TNS1: variants seen among roughly 807,000 people sequenced by gnomAD.
TNS1 encodes tensin-1.
A neutral mutation model predicts 168.6 loss-of-function variants in TNS1; 62 were observed. That is an observed-to-expected ratio of 0.37 (90% CI 0.30 to 0.45). The LOEUF (loss-of-function observed/expected upper bound fraction) is 0.45, where lower values mean the gene tolerates loss of function less well. TNS1 is among the 20% of genes least tolerant of loss of function. The pLI, the probability that TNS1 is intolerant of heterozygous loss-of-function variation, is 1.00. For missense variants in TNS1, 2,240 were observed against 2,339.4 expected (o/e 0.96, Z 0.88); for synonymous variants, 934 against 933.2 (o/e 1.00, Z -0.02).
At chr2:217,969,171 C>T (rs1012278307) in intron 3 of TNS1, among the ~76,000 whole-genome samples, 3 of 152,198 alleles carry the variant, frequency 2.0e-5, no homozygotes, top group Non-Finnish European at 4.4e-5. Context: ...AGAGAATTCA[C>T]ACTTCCCAAT....
intron 3 of TNS1, among the ~76,000 whole-genome samples, chr2:217,932,317 T>C (rs78232484): frequency 0.059 from 9,042 of 152,252 alleles, 600 homozygotes; most frequent in African/African-American, 0.14. Flanking sequence ...AGACCAGCTA[T>C]TGATACCTTA....
At chr2:217,924,707 T>C (rs10191332) in intron 3 of TNS1, among the ~76,000 whole-genome samples, 53,948 of 152,114 alleles carry the variant, frequency 0.35, 12,421 homozygotes, top group African/African-American at 0.66. Flanking sequence ...TCAGCAATAT[T>C]GCTCCCATTT....
intron 18 of TNS1, among the ~76,000 whole-genome samples, chr2:217,875,050 T>A (rs1442565179): frequency 6.6e-6 from 1 of 152,176 alleles, no homozygotes; most frequent in African/African-American, 2.4e-5. Flanking sequence ...TTTTGGCCAA[T>A]TAAACATGAG....
intron 3 of TNS1, among the ~76,000 whole-genome samples, chr2:217,921,543 G>C (rs1023666790): frequency 6.6e-6 from 1 of 152,218 alleles, no homozygotes; most frequent in Non-Finnish European, 1.5e-5. Flanking sequence ...GTCAGCACCT[G>C]TGGGACAGTG....
intron 3 of TNS1, among the ~76,000 whole-genome samples, chr2:217,922,960 G>A (rs1955809673): frequency 6.6e-6 from 1 of 152,224 alleles, no homozygotes; most frequent in Non-Finnish European, 1.5e-5. Context: ...GCAAAGAAAT[G>A]TTTCCTTAAA....
Position 218,033,156 on chromosome 2 carries a change from C to A in TNS1, c.156+664G>T, listed in dbSNP as rs910857492. On this transcript the variant is annotated intron_variant, in intron 1 of 1. Coordinates refer to the TNS1 transcript ENST00000649572. The surrounding 1 kb of genome is among the most constrained non-coding windows in gnomAD (Gnocchi z 4.3). ...AGGGACCTAGAGAGGAGTTACCCAT[C>A]CCTGGTGACCCCAAACACCTCCTCC... 2.0e-5 allele frequency among the ~76,000 whole-genome samples: 3 copies of A among 152,134 alleles called. No individual in the cohort carries two copies. Among genetic ancestry groups the A allele is most frequent in the Admixed American group, 6.5e-5 (1 of 15,276 alleles).
At chr2:217,846,825 T>C (rs1412781209) in intron 19 of TNS1, among the ~76,000 whole-genome samples, 6 of 152,208 alleles carry the variant, frequency 3.9e-5, no homozygotes, top group African/African-American at 1.2e-4. Context: ...AGGAGCTTTG[T>C]CTCTCAGCAC....
chr2:217,991,983 AC>A (rs1958377559), intron 1 of TNS1, among the ~76,000 whole-genome samples: 1 of 151,866 alleles, frequency 6.6e-6, no homozygotes, highest in Non-Finnish European at 1.5e-5. Flanking sequence ...CTCCACCACT[AC>A]CACAGGCCTC....
At chr2:217,979,643 A>AC (rs935165454) in intron 2 of TNS1, among the ~76,000 whole-genome samples, 1 of 150,862 alleles carries the variant, frequency 6.6e-6, no homozygotes, top group Non-Finnish European at 1.5e-5. Flanking sequence ...CTGCCGCCCC[A>AC]CCCCCCAGGG....
chr2:217,912,839 G>A (rs1487647902), intron 4 of TNS1, among the ~76,000 whole-genome samples: 1 of 152,216 alleles, frequency 6.6e-6, no homozygotes, highest in African/African-American at 2.4e-5. Context: ...GCAGAAGGCA[G>A]CAAAGGGAGA....
At chr2:217,829,868 T>G (rs755831374) in intron 22 of TNS1, 2 of 1,613,728 alleles carry the variant, frequency 1.2e-6, no homozygotes, top group Non-Finnish European at 8.5e-7. Flanking sequence ...ACCACCACCT[T>G]CCCCTCATCT....
Position 217,803,837 on chromosome 2 carries a change from G to A in TNS1, c.*622C>T, listed in dbSNP as rs546197131. On this transcript the variant is annotated 3_prime_UTR_variant, in exon 33 of 33. Coordinates refer to ENST00000682258, the MANE Select transcript of TNS1 (RefSeq NM_001387777.1). ...GCTGTTTATAATTCGAGTGGATAAA[G>A]GCAGATCTAGATCAATGTGTGAGGA... 6.5e-5 allele frequency: 10 copies of A among 153,200 alleles called. No individual in the cohort carries two copies. The East Asian group carries it at 1.7e-3, about 27-fold the overall frequency. The allele number at this position is 153,200 out of a possible 1,614,324, so 9.5% of individuals were successfully genotyped here. A position where few individuals can be genotyped will look rare whatever the true frequency, so the allele number is the denominator to read the frequency against.
chr2:217,885,986 T>A, intron 14 of TNS1, 58 bp downstream of exon 14: 1 of 1,598,480 alleles, frequency 6.3e-7, no homozygotes, highest in Middle Eastern at 1.7e-4. Context: ...CCTTCTGACC[T>A]GGTCCTTAGC....
intron 3 of TNS1, among the ~76,000 whole-genome samples, chr2:217,947,261 C>T (rs573465205): frequency 6.6e-6 from 1 of 151,972 alleles, no homozygotes; most frequent in Non-Finnish European, 1.5e-5. Flanking sequence ...TGAATAATAC[C>T]AGCCTTGGAG....
intron 12 of TNS1, among the ~76,000 whole-genome samples, chr2:217,888,494 C>T (rs370372889): frequency 1.2e-4 from 18 of 152,302 alleles, no homozygotes; most frequent in South Asian, 2.1e-4. Flanking sequence ...ATGTTGAACA[C>T]GAGATGATAT....
chr2:217,952,048 T>G (rs1308678708), intron 3 of TNS1, among the ~76,000 whole-genome samples: 1 of 152,214 alleles, frequency 6.6e-6, no homozygotes, highest in East Asian at 1.9e-4. Context: ...CAAGGAGCAC[T>G]TGATCTAGGA....
intron 18 of TNS1, among the ~76,000 whole-genome samples, chr2:217,861,335 C>A (rs1448616127): frequency 6.6e-6 from 1 of 152,182 alleles, no homozygotes. Context: ...CTTTGACAGG[C>A]AACCCCTCTC....
chr2:217,830,862 G>A (rs1944322269), intron 22 of TNS1, among the ~76,000 whole-genome samples: 1 of 152,230 alleles, frequency 6.6e-6, no homozygotes. Context: ...CGAGGAAACG[G>A]CAGGCAATGA....
intron 4 of TNS1, among the ~76,000 whole-genome samples, chr2:217,919,534 C>T (rs1955502563): frequency 1.3e-5 from 2 of 152,214 alleles, no homozygotes; most frequent in Non-Finnish European, 2.9e-5. Flanking sequence ...AAGAAGACCT[C>T]TGAAGGGTGA....
Sources: gnomAD v4.1 joint callset for allele counts (sites outside exome capture counted in the v4.1 genomes callset) on GRCh38, gnomAD v4.1.1 for gene constraint, Gnocchi (gnomAD v3.1) non-coding constraint, MANE v1.5 for transcripts, NCBI Gene and HGNC (gene_info 2026-07-23, HGNC 2026-07-21) for gene names.